GREB1L: variants seen among roughly 807,000 people sequenced by gnomAD.
GREB1L encodes GREB1-like protein.
A neutral mutation model predicts 200.8 loss-of-function variants in GREB1L; 17 were observed. The ratio of observed to expected loss-of-function variants is 0.08; its 90% CI spans 0.06 to 0.13. The LOEUF (loss-of-function observed/expected upper bound fraction) is 0.13. Ranked by LOEUF, GREB1L falls within the 10% of genes least tolerant of loss-of-function variation. The pLI, the probability that GREB1L is intolerant of heterozygous loss-of-function variation, is 1.00. For missense variants in GREB1L, 1,657 were observed against 2,367.7 expected (o/e 0.70, Z 6.23); for synonymous variants, 789 against 893.0 (o/e 0.88, Z 2.08).
chr18:21,399,073 C>T (rs1408801724), intron 5 of GREB1L, among the ~76,000 whole-genome samples: 1 of 152,202 alleles, frequency 6.6e-6, no homozygotes, highest in African/African-American at 2.4e-5. Flanking sequence ...TCTTCCTCTT[C>T]ACACTCTTGC....
chr18:21,325,707 A>G (rs1268510312), intron 1 of GREB1L, among the ~76,000 whole-genome samples: 1 of 150,620 alleles, frequency 6.6e-6, no homozygotes, highest in African/African-American at 2.4e-5. Context: ...CCAGCTACTC[A>G]GAGAGCTGAG....
chr18:21,329,195 T>C (rs2039068686), intron 1 of GREB1L, among the ~76,000 whole-genome samples: 1 of 151,902 alleles, frequency 6.6e-6, no homozygotes, highest in African/African-American at 2.4e-5. Flanking sequence ...CATAGTGGTG[T>C]GTCCCTGTAA....
intron 5 of GREB1L, among the ~76,000 whole-genome samples, chr18:21,397,628 G>C (rs995697749): frequency 1.3e-5 from 2 of 152,272 alleles, no homozygotes; most frequent in Admixed American, 1.3e-4. Context: ...GTGAACCCGG[G>C]AGGTGGAGCT....
intron 1 of GREB1L, among the ~76,000 whole-genome samples, chr18:21,365,107 A>T (rs2039646658): frequency 6.6e-6 from 1 of 152,094 alleles, no homozygotes; most frequent in Non-Finnish European, 1.5e-5. Flanking sequence ...TTATTCGAAA[A>T]ATCTAAAATT....
rs1246396795 is a variant in GREB1L at position 21,457,097 on chromosome 18, A to G, written c.2182+2534A>G. Among the ~76,000 whole-genome samples the G allele has an allele frequency of 3.9e-5, 6 of 152,162 alleles. No individual in the cohort carries two copies. The East Asian group carries it at 1.2e-3, about 29-fold the overall frequency. On this transcript the variant is annotated intron_variant, in intron 15 of 32. Coordinates refer to ENST00000424526, the MANE Select transcript of GREB1L (RefSeq NM_001142966.3). ...TAACCTCTCAGTGACCTGCACTTTCACCTTTCCTAATAAATGCAAGCTCCT... is the reference window on the plus strand; with the variant it reads ...TAACCTCTCAGTGACCTGCACTTTCGCCTTTCCTAATAAATGCAAGCTCCT...
intron 19 of GREB1L, among the ~76,000 whole-genome samples, chr18:21,491,416 A>G (rs534344412): frequency 6.6e-6 from 1 of 152,264 alleles, no homozygotes; most frequent in Non-Finnish European, 1.5e-5. Flanking sequence ...TTAGTGTTCA[A>G]AAATTGTTCT....
intron 4 of GREB1L, chr18:21,387,626 G>T (rs1369627039): frequency 6.6e-6 from 1 of 152,160 alleles, no homozygotes; most frequent in Non-Finnish European, 1.5e-5. Flanking sequence ...GAATTATTTA[G>T]ATGTAATTCA....
At chr18:21,312,983 T>C (rs995355138) in intron 1 of GREB1L, among the ~76,000 whole-genome samples, 1 of 152,134 alleles carries the variant, frequency 6.6e-6, no homozygotes, top group African/African-American at 2.4e-5. Flanking sequence ...TTTTCAAAAG[T>C]GTCTGTTCAT....
intron 1 of GREB1L, among the ~76,000 whole-genome samples, chr18:21,281,163 G>A (rs1054789087): frequency 1.3e-5 from 2 of 152,198 alleles, no homozygotes; most frequent in African/African-American, 4.8e-5. Context: ...GAGAATTTCA[G>A]TTAATTTCTC....
Position 21,495,650 on chromosome 18 carries a change from A to T in GREB1L, c.3031-20A>T, listed in dbSNP as rs1467074881. The T allele has an allele frequency of 1.6e-6, 2 of 1,267,956 alleles. No homozygotes were observed. Among genetic ancestry groups the T allele is most frequent in the Non-Finnish European group, 2.2e-6 (2 of 898,260 alleles). The allele number at this position is 1,267,956 out of a possible 1,614,324, so 78.5% of individuals were successfully genotyped here. A position where few individuals can be genotyped will look rare whatever the true frequency, so the allele number is the denominator to read the frequency against. On this transcript the variant is annotated intron_variant, in intron 19 of 32. Coordinates refer to ENST00000424526, the MANE Select transcript of GREB1L (RefSeq NM_001142966.3). ...CTTAAATGAGAGTTTTAATTTTAAC[A>T]TACGGGTCTCTTTCTGTAGAGTTGG...
chr18:21,472,451 T>C (rs2035519704), intron 15 of GREB1L, among the ~76,000 whole-genome samples: 1 of 152,240 alleles, frequency 6.6e-6, no homozygotes, highest in Admixed American at 6.5e-5. Context: ...TTCAGTTTAT[T>C]AAGTTGGTAC....
At chr18:21,483,215 G>A (rs2035990984) in intron 17 of GREB1L, among the ~76,000 whole-genome samples, 1 of 152,214 alleles carries the variant, frequency 6.6e-6, no homozygotes, top group Non-Finnish European at 1.5e-5. Flanking sequence ...CTAATGCTGT[G>A]TCAGGAAGAG....
At position 21,456,431 on chromosome 18, in the gene GREB1L, C is replaced by T. The variant is rs532264124; in HGVS notation, c.2182+1868C>T. 1.8e-4 allele frequency among the ~76,000 whole-genome samples: 28 copies of T among 152,344 alleles called. No individual in the cohort carries two copies. The South Asian group carries it at 5.4e-3, about 29-fold the overall frequency. ...ATTCCATGCGTGTATCAAATTTTCT[C>T]ATATGCTCCATAAATATATACTCCT... On this transcript the variant is annotated intron_variant, in intron 15 of 32. Transcript: ENST00000424526.
chr18:21,362,413 CTT>C (rs1454623123), intron 1 of GREB1L, among the ~76,000 whole-genome samples: 1 of 151,920 alleles, frequency 6.6e-6, no homozygotes, highest in African/African-American at 2.4e-5. Context: ...AACTTAAAGA[CTT>C]TGTGTGCAAA....
chr18:21,399,433 ATGGTTGGATGGATGGATGGT>A (rs1308992153), intron 5 of GREB1L, among the ~76,000 whole-genome samples: 2 of 148,786 alleles, frequency 1.3e-5, no homozygotes, highest in African/African-American at 2.5e-5. Context: ...GGATGGTTGG[ATGGTTGGATGGATGGATGGT>A]TGGATGGATG....
Position 21,338,006 on chromosome 18 carries a change from T to C in GREB1L, c.-119-28021T>C, listed in dbSNP as rs527516204. 2.0e-5 allele frequency among the ~76,000 whole-genome samples: 3 copies of C among 152,112 alleles called. No homozygotes were observed. In the East Asian group the frequency reaches 5.8e-4, roughly 29 times the overall value. ...CGTCTCAAAAAAAAAGAAAAAAAAT[T>C]CTTTTTTTCTCCTTTCTTTTTAATA... On this transcript the variant is annotated intron_variant, in intron 1 of 32. Coordinates refer to ENST00000424526, the MANE Select transcript of GREB1L (RefSeq NM_001142966.3).
At chr18:21,413,279 C>A (rs2031268525) in intron 7 of GREB1L, among the ~76,000 whole-genome samples, 1 of 152,154 alleles carries the variant, frequency 6.6e-6, no homozygotes, top group South Asian at 2.1e-4. Context: ...CCTCCTCTGT[C>A]CCTGATGATG....
intron 27 of GREB1L, among the ~76,000 whole-genome samples, chr18:21,512,936 CTTTCA>C (rs1490567392): frequency 6.6e-6 from 1 of 152,146 alleles, no homozygotes; most frequent in Admixed American, 6.5e-5. Flanking sequence ...AATAGCTTTT[CTTTCA>C]TTTATCACCT....
intron 1 of GREB1L, among the ~76,000 whole-genome samples, chr18:21,250,991 C>T (rs2037693409): frequency 6.6e-6 from 1 of 152,052 alleles, no homozygotes; most frequent in African/African-American, 2.4e-5. Flanking sequence ...TATTAATAAT[C>T]TTACATGAAT....
Sources: gnomAD v4.1 joint callset for allele counts (sites outside exome capture counted in the v4.1 genomes callset) on GRCh38, gnomAD v4.1.1 for gene constraint, MANE v1.5 for transcripts, NCBI Gene and HGNC (gene_info 2026-07-23, HGNC 2026-07-21) for gene names.